NAF1: variants seen among roughly 807,000 people sequenced by gnomAD.
The protein encoded by NAF1 is nuclear assembly factor 1 ribonucleoprotein, also known as H/ACA ribonucleoprotein complex non-core subunit NAF1.
In NAF1, 11 loss-of-function variants were observed where a neutral mutation model predicts 40.6. That is an observed-to-expected ratio of 0.27 (90% CI 0.17 to 0.45). NAF1 has a LOEUF of 0.45. Among genes scored for constraint, NAF1 ranks in the 20% least tolerant of loss-of-function variants. The pLI is 1.00. For missense variants in NAF1, 607 were observed against 611.1 expected (o/e 0.99, Z 0.07); for synonymous variants, 260 against 228.5 (o/e 1.14, Z -1.24).
chr4:163,126,247 T>A (rs1375234840), downstream of NAF1, among the ~76,000 whole-genome samples: 2 of 152,150 alleles, frequency 1.3e-5, no homozygotes, highest in Non-Finnish European at 2.9e-5. Flanking sequence ...CTCTGATGGA[T>A]TTGGGCAAAG....
At chr4:163,161,730 T>TA (rs1421107493) in intron 2 of NAF1, among the ~76,000 whole-genome samples, 1 of 152,172 alleles carries the variant, frequency 6.6e-6, no homozygotes, top group East Asian at 1.9e-4. Context: ...TTCCAAGTAT[T>TA]TCCCTTTCCC....
At chr4:163,150,879 C>G (rs1425043807) in intron 2 of NAF1, among the ~76,000 whole-genome samples, 1 of 152,036 alleles carries the variant, frequency 6.6e-6, no homozygotes, top group Non-Finnish European at 1.5e-5. Flanking sequence ...TTCACATTTC[C>G]ACAATGTATG....
At chr4:163,142,058 G>A (rs909420364) in intron 4 of NAF1, 1 of 389,326 alleles carries the variant, frequency 2.6e-6, no homozygotes, top group African/African-American at 2.2e-5. Flanking sequence ...CTTTAAAAAA[G>A]TGTAAAAGCA....
intron 2 of NAF1, among the ~76,000 whole-genome samples, chr4:163,114,234 T>C (rs1240225096): frequency 6.6e-6 from 1 of 152,208 alleles, no homozygotes; most frequent in Non-Finnish European, 1.5e-5. Context: ...TGGAATCTAC[T>C]GCCTCTGAGG....
chr4:163,115,080 T>C (rs967431390), intron 2 of NAF1, among the ~76,000 whole-genome samples: 1 of 152,066 alleles, frequency 6.6e-6, no homozygotes, highest in Non-Finnish European at 1.5e-5. Flanking sequence ...ACTTTCTTCA[T>C]AATGTCATCA....
intron 2 of NAF1, among the ~76,000 whole-genome samples, chr4:163,115,524 C>T (rs1329078206): frequency 6.6e-6 from 1 of 152,106 alleles, no homozygotes; most frequent in Admixed American, 6.5e-5. Flanking sequence ...AAGCCGTTGC[C>T]ATACTCAGTA....
chr4:163,161,704 T>C (rs1442180612), intron 2 of NAF1, among the ~76,000 whole-genome samples: 1 of 152,126 alleles, frequency 6.6e-6, no homozygotes, highest in Non-Finnish European at 1.5e-5. Context: ...CCAACATAAG[T>C]CGTACATGAT....
intron 1 of NAF1, among the ~76,000 whole-genome samples, chr4:163,164,605 A>G (rs1732375120): frequency 6.6e-6 from 1 of 152,192 alleles, no homozygotes; most frequent in African/African-American, 2.4e-5. Context: ...CTGATATGGT[A>G]TTGGGAAAGT....
At chr4:163,130,492 G>A (rs1475424925) in intron 7 of NAF1, among the ~76,000 whole-genome samples, 2 of 152,046 alleles carry the variant, frequency 1.3e-5, no homozygotes, top group East Asian at 3.9e-4. Context: ...GCTGGAGGAC[G>A]GAAACTACCC....
downstream of NAF1, chr4:163,110,032 G>T (rs985896517): frequency 9.5e-6 from 4 of 422,160 alleles, no homozygotes; most frequent in Non-Finnish European, 1.7e-5. Context: ...GTAGCATCCT[G>T]CCCTATTAAG....
At chr4:163,123,297 C>T (rs895947400), downstream of NAF1, among the ~76,000 whole-genome samples, 1 of 152,212 alleles carries the variant, frequency 6.6e-6, no homozygotes, top group African/African-American at 2.4e-5. Context: ...ATAAGGGTTC[C>T]ATCCCATGAC....
At chr4:163,133,511 A>G in intron 6 of NAF1, 1 of 353,106 alleles carries the variant, frequency 2.8e-6, no homozygotes, top group Non-Finnish European at 5.1e-6. Context: ...TCCAGTTTAG[A>G]CTTAAAATTC....
chr4:163,145,900 A>G (rs1560796212), intron 3 of NAF1, 36 bp from the exon 4 acceptor site: 3 of 1,013,314 alleles, frequency 3.0e-6, no homozygotes, highest in South Asian at 3.1e-5. Context: ...AGATTTACTT[A>G]TAAGAGAATG....
intron 2 of NAF1, among the ~76,000 whole-genome samples, chr4:163,151,988 G>C (rs536974074): frequency 2.0e-5 from 3 of 152,182 alleles, no homozygotes; most frequent in East Asian, 1.9e-4. Context: ...TAATTTTCTT[G>C]TATATTTATT....
Position 163,121,497 on chromosome 4 carries a change from C to A in NAF1, c.115-11207G>T, listed in dbSNP as rs957847090. On this transcript the variant is annotated intron_variant, in intron 2 of 2. Transcript: ENST00000509434. ...CTGCAACATTACCTGAAAATGAATT[C>A]TTGTGAATAATACTGTTCTTTATTT... is the stretch of plus-strand genomic sequence containing the variant. Among the ~76,000 whole-genome samples, 7 of 152,072 alleles carry A rather than the reference C, an allele frequency of 4.6e-5. 1 individual carries two copies. Among genetic ancestry groups the A allele is most frequent in the Non-Finnish European group, 7.4e-5 (5 of 68,012 alleles).
chr4:163,149,687 A>G (rs1731617858), intron 2 of NAF1, among the ~76,000 whole-genome samples: 1 of 152,182 alleles, frequency 6.6e-6, no homozygotes, highest in Non-Finnish European at 1.5e-5. Context: ...CCCTTTCATC[A>G]TATTAAACGT....
intron 1 of NAF1, among the ~76,000 whole-genome samples, chr4:163,165,336 A>T (rs1278409119): frequency 6.6e-6 from 1 of 152,196 alleles, no homozygotes; most frequent in African/African-American, 2.4e-5. Context: ...ACAGAGTCAG[A>T]AGTAGTATCC....
At chr4:163,150,551 TTTAC>T (rs1731659049) in intron 2 of NAF1, among the ~76,000 whole-genome samples, 1 of 152,112 alleles carries the variant, frequency 6.6e-6, no homozygotes, top group Non-Finnish European at 1.5e-5. Flanking sequence ...TATATCTAAT[TTTAC>T]TTAAACACTT....
chr4:163,165,108 A>G (rs1285413846), intron 1 of NAF1, among the ~76,000 whole-genome samples: 1 of 152,190 alleles, frequency 6.6e-6, no homozygotes, highest in South Asian at 2.1e-4. Flanking sequence ...TTCAGCTATG[A>G]CATCTCTAAA....
Sources: allele counts gnomAD v4.1 joint callset (sites outside exome capture counted in the v4.1 genomes callset), GRCh38; gene constraint gnomAD v4.1.1; transcripts MANE v1.5; gene names NCBI Gene and HGNC (gene_info 2026-07-23, HGNC 2026-07-21).